DAB2IP: variants seen among roughly 807,000 people sequenced by gnomAD.
DAB2IP encodes the protein disabled homolog 2-interacting protein.
DAB2IP carries 28 observed loss-of-function variants against 107.2 expected under a neutral mutation model. That is an observed-to-expected ratio of 0.26 (90% confidence interval 0.19 to 0.36). The LOEUF is 0.36. Among genes scored for constraint, DAB2IP ranks in the 10% least tolerant of loss-of-function variants. The probability of loss-of-function intolerance (pLI) is 1.00; values close to 1 mark genes in which losing one functional copy is unlikely to be tolerated. For synonymous variants in DAB2IP, 755 were observed against 706.4 expected, an observed-to-expected ratio of 1.07 and a Z score of -1.09; for missense variants, 1,400 against 1,644.7, an observed-to-expected ratio of 0.85 and a Z score of 2.57.
intron 3 of DAB2IP, among the ~76,000 whole-genome samples, chr9:121,752,723 A>G (rs956875000): frequency 6.6e-6 from 1 of 152,170 alleles, no homozygotes; most frequent in Non-Finnish European, 1.5e-5. Flanking sequence ...TCAGAGTGCC[A>G]AGTTCTGGGG....
chr9:121,700,890 A>C (rs1829740342), intron 3 of DAB2IP, among the ~76,000 whole-genome samples: 2 of 152,186 alleles, frequency 1.3e-5, no homozygotes, highest in Non-Finnish European at 2.9e-5. Context: ...GTGCCCTGGC[A>C]GGAAGATGCA....
rs114976632 is a variant in DAB2IP at position 121,782,148 on chromosome 9, G to A, written c.3403-183G>A. On this transcript the variant is annotated intron_variant, in intron 15 of 15. Transcript: ENST00000408936. This position sits in a 1 kb window ranked among gnomAD's most constrained non-coding sequence, Gnocchi z 6.1. ...CTGCATTTGGGCTGATAAGCAGGCA[G>A]CGAGGCTGTGTCCATGATGCTGCAG... is the stretch of plus-strand genomic sequence containing the variant. Among the ~76,000 whole-genome samples, 1,627 of 152,268 alleles carry A rather than the reference G, an allele frequency of 0.011. 30 individuals carry two copies. Among genetic ancestry groups the A allele is most frequent in the African/African-American group, 0.037 (1,521 of 41,542 alleles).
At chr9:121,739,798 G>T (rs1248203834) in intron 3 of DAB2IP, among the ~76,000 whole-genome samples, 1 of 152,158 alleles carries the variant, frequency 6.6e-6, no homozygotes, top group African/African-American at 2.4e-5. Context: ...GAGCATGCTG[G>T]AGGTATTTAG....
At chr9:121,724,773 T>A (rs1171792860) in intron 3 of DAB2IP, among the ~76,000 whole-genome samples, 3 of 152,168 alleles carry the variant, frequency 2.0e-5, no homozygotes, top group Non-Finnish European at 2.9e-5. Context: ...ACCAGGATTT[T>A]AGCCCAGTGT....
intron 5 of DAB2IP, among the ~76,000 whole-genome samples, 171 bp from the exon 6 acceptor site, chr9:121,759,714 C>A (rs1833749347): frequency 6.6e-6 from 1 of 152,176 alleles, no homozygotes; most frequent in Non-Finnish European, 1.5e-5. Flanking sequence ...ACCAGAGATC[C>A]AGCCCTTGTC....
rs1042823598 is a variant in DAB2IP, at chr9:121,599,119, G to C, written c.40+31891G>C. 1.3e-5 allele frequency among the ~76,000 whole-genome samples: 2 copies of C among 152,208 alleles called. No individual in the cohort carries two copies. Among genetic ancestry groups the C allele is most frequent in the Non-Finnish European group, 2.9e-5 (2 of 68,030 alleles). ...GCGCACATAAAAGTTTAAGGGGTCA[G>C]CGGATGCGGGAAGATTCTAGCGGGA... On this transcript the variant is annotated intron_variant, in intron 1 of 16. Transcript: ENST00000259371. This position sits in a 1 kb window ranked among gnomAD's most constrained non-coding sequence, Gnocchi z 6.9.
intron 1 of DAB2IP, among the ~76,000 whole-genome samples, chr9:121,580,904 C>T (rs143931648): frequency 0.028 from 4,209 of 152,288 alleles, 156 homozygotes; most frequent in African/African-American, 0.079. Context: ...GGATTACAGG[C>T]GTGAGCCACC....
Position 121,577,823 on chromosome 9 carries a change from A to G in DAB2IP, c.40+10595A>G, listed in dbSNP as rs115414150. Among the ~76,000 whole-genome samples, 1,318 of 152,278 alleles carry G rather than the reference A, an allele frequency of 8.7e-3. 19 individuals are homozygous for G. The highest frequency in any genetic ancestry group is 0.028 in the African/African-American group (1,145 of 41,564). ...AACAGCCCGAGGCAGCCAGATGGCA[A>G]CCAGAGGTCAGTAGGGTGGGTGGCT... On this transcript the variant is annotated intron_variant, in intron 1 of 16. Transcript: ENST00000259371.
At chr9:121,567,324 G>A (rs1165637023) in intron 1 of DAB2IP, 1 of 1,570,328 alleles carries the variant, frequency 6.4e-7, no homozygotes, top group Non-Finnish European at 8.7e-7. Flanking sequence ...AAGCAGGGAG[G>A]CAGTCAGGCA....
chr9:121,570,107 CTTTTTTTTTTTTTTT>C (rs60818537), intron 1 of DAB2IP, among the ~76,000 whole-genome samples: 3 of 101,504 alleles, frequency 3.0e-5, no homozygotes, highest in Admixed American at 2.3e-4. Flanking sequence ...TTCTCTTTCT[CTTTTTTTTTTTTTTT>C]TTTTTTTGAG....
At chr9:121,618,915 GA>G (rs1831366126) in intron 1 of DAB2IP, among the ~76,000 whole-genome samples, 1 of 152,168 alleles carries the variant, frequency 6.6e-6, no homozygotes, top group African/African-American at 2.4e-5. Context: ...TGGTGTTGTA[GA>G]AGTACTTTTA....
chr9:121,678,202 C>T (rs1395104129), intron 1 of DAB2IP, among the ~76,000 whole-genome samples: 5 of 152,216 alleles, frequency 3.3e-5, no homozygotes, highest in African/African-American at 4.8e-5. Flanking sequence ...CTTTCTGTCT[C>T]TACGAATTGG....
intron 1 of DAB2IP, among the ~76,000 whole-genome samples, chr9:121,629,095 A>AC (rs890416931): frequency 6.6e-6 from 1 of 151,688 alleles, no homozygotes; most frequent in African/African-American, 2.4e-5. Flanking sequence ...GCCTAGTAGA[A>AC]CCCCCCAGAC....
intron 3 of DAB2IP, among the ~76,000 whole-genome samples, chr9:121,703,589 T>G (rs1829897547): frequency 6.6e-6 from 1 of 152,238 alleles, no homozygotes; most frequent in African/African-American, 2.4e-5. Context: ...GTTGAAGACA[T>G]TAACATTAAT....
chr9:121,698,957 G>C lies in DAB2IP; in HGVS notation c.229-368G>C, dbSNP rs1829579638. Among the ~76,000 whole-genome samples, 1 of 151,856 alleles carries C rather than the reference G, an allele frequency of 6.6e-6. No individual in the cohort carries two copies. The highest frequency in any genetic ancestry group is 2.1e-4 in the South Asian group (1 of 4,836). On this transcript the variant is annotated intron_variant, in intron 2 of 15. Coordinates refer to ENST00000408936, the Ensembl canonical transcript of DAB2IP. The surrounding 1 kb of genome is among the most constrained non-coding windows in gnomAD (Gnocchi z 4.1). ...GCGGCCGGCCCTGGCGGTCCCCGGGGGTCTCCGCCCCTCCGCAGCCCCGCC... is the reference window on the plus strand; with the variant it reads ...GCGGCCGGCCCTGGCGGTCCCCGGGCGTCTCCGCCCCTCCGCAGCCCCGCC...
chr9:121,773,280 G>T, exon 12 of DAB2IP: 2 of 1,533,550 alleles, frequency 1.3e-6, no homozygotes, highest in South Asian at 1.2e-5. Flanking sequence ...GAGGAGGATC[G>T]ACCAGCCTCC....
chr9:121,676,635 G>GCGCACACACACA (rs759946988), intron 1 of DAB2IP, among the ~76,000 whole-genome samples: 13 of 150,430 alleles, frequency 8.6e-5, no homozygotes, highest in African/African-American at 2.9e-4. Flanking sequence ...TTCTGCAGAC[G>GCGCACACACACA]CACACACACA....
Position 121,708,961 on chromosome 9 carries a change from G to A in DAB2IP, c.362+9503G>A, listed in dbSNP as rs1017437083. On this transcript the variant is annotated intron_variant, in intron 3 of 15. Coordinates refer to ENST00000408936, the Ensembl canonical transcript of DAB2IP. Reference sequence around the variant, plus strand: ...CCTGCTAGGGTAGTGGGAGGTGATGGGGGATCTGCGCCTGTGAGGTGGGCA... The same window carrying A: ...CCTGCTAGGGTAGTGGGAGGTGATGAGGGATCTGCGCCTGTGAGGTGGGCA... Among the ~76,000 whole-genome samples the A allele has an allele frequency of 2.6e-5, 4 of 152,274 alleles. 1 individual carries two copies.
At chr9:121,691,607 A>G (rs1204199825) in intron 2 of DAB2IP, among the ~76,000 whole-genome samples, 1 of 152,130 alleles carries the variant, frequency 6.6e-6, no homozygotes, top group Admixed American at 6.6e-5. Flanking sequence ...GAAATGGGCT[A>G]AGTTTCTTCC....
Sources: gnomAD v4.1 joint callset for allele counts (sites outside exome capture counted in the v4.1 genomes callset) on GRCh38, gnomAD v4.1.1 for gene constraint, Gnocchi (gnomAD v3.1) non-coding constraint, MANE v1.5 for transcripts, NCBI Gene and HGNC (gene_info 2026-07-23, HGNC 2026-07-21) for gene names.